Variants in SCN11A observed in about 807,000 individuals in gnomAD.
SCN11A encodes the protein sodium voltage-gated channel alpha subunit 11.
A neutral mutation model predicts 162.2 loss-of-function variants in SCN11A; 122 were observed. That is an observed-to-expected ratio of 0.75 (90% CI 0.65 to 0.87). The LOEUF is 0.87. SCN11A is among the 40% of genes least tolerant of loss of function. The probability of loss-of-function intolerance (pLI) is 0.00; values close to 1 mark genes in which losing one functional copy is unlikely to be tolerated. For synonymous variants in SCN11A, 758 were observed against 751.5 expected (o/e 1.01, Z -0.14); for missense variants, 2,015 against 2,181.6 (o/e 0.92, Z 1.52).
chr3:39,026,131 T>TA (rs149930221), intron 2 of SCN11A: 1 of 151,832 alleles, frequency 6.6e-6, no homozygotes, highest in Non-Finnish European at 1.5e-5. Flanking sequence ...AATAAAACTT[T>TA]AAAAAAACAT....
At chr3:38,968,897 A>G (rs1023242286) in intron 2 of SCN11A, among the ~76,000 whole-genome samples, 1 of 152,258 alleles carries the variant, frequency 6.6e-6, no homozygotes, top group Non-Finnish European at 1.5e-5. Flanking sequence ...GTACATGTGA[A>G]AATAAATGCA....
intron 11 of SCN11A, among the ~76,000 whole-genome samples, chr3:38,918,109 A>G (rs983983755): frequency 1.3e-5 from 2 of 152,076 alleles, no homozygotes; most frequent in African/African-American, 4.8e-5. Context: ...TTTGGAGGCA[A>G]AAGACTTGGG....
At chr3:39,036,545 T>G (rs1485269012) in intron 1 of SCN11A, among the ~76,000 whole-genome samples, 1 of 152,006 alleles carries the variant, frequency 6.6e-6, no homozygotes. Context: ...GCAAAGGAAA[T>G]AATCAACAAA....
intron 1 of SCN11A, among the ~76,000 whole-genome samples, chr3:39,042,318 C>T (rs1331412550): frequency 6.6e-6 from 1 of 152,134 alleles, no homozygotes; most frequent in Non-Finnish European, 1.5e-5. Flanking sequence ...AAGAAACTCA[C>T]TTCACTTGTA....
chr3:38,867,903 G>C (rs1213936501), intron 26 of SCN11A, among the ~76,000 whole-genome samples: 4 of 152,150 alleles, frequency 2.6e-5, no homozygotes, highest in Non-Finnish European at 4.4e-5. Flanking sequence ...CCCCCATATA[G>C]AGCCCACTGC....
At chr3:39,003,886 G>C (rs1451052167) in intron 2 of SCN11A, among the ~76,000 whole-genome samples, 3 of 151,208 alleles carry the variant, frequency 2.0e-5, no homozygotes, top group Non-Finnish European at 4.4e-5. Context: ...TTTTTTTCTT[G>C]TAAATTTGTT....
At chr3:38,929,485 T>C (rs543756392) in intron 7 of SCN11A, among the ~76,000 whole-genome samples, 27 of 152,340 alleles carry the variant, frequency 1.8e-4, no homozygotes, top group Non-Finnish European at 3.4e-4. Context: ...ATGATAATGT[T>C]GTGCAGCACT....
intron 7 of SCN11A, among the ~76,000 whole-genome samples, chr3:38,929,983 C>T (rs1366197979): frequency 6.6e-6 from 1 of 152,172 alleles, no homozygotes; most frequent in African/African-American, 2.4e-5. Context: ...TTTGTTATCA[C>T]AACATAAAAT....
At chr3:38,888,225 C>T (rs1222371492) in intron 19 of SCN11A, among the ~76,000 whole-genome samples, 1 of 152,204 alleles carries the variant, frequency 6.6e-6, no homozygotes, top group African/African-American at 2.4e-5. Flanking sequence ...AGTACAACCT[C>T]AGAAATGGGA....
intron 1 of SCN11A, among the ~76,000 whole-genome samples, chr3:39,046,702 T>G (rs6786264): frequency 0.029 from 4,403 of 152,122 alleles, 214 homozygotes; most frequent in African/African-American, 0.1. Flanking sequence ...AACCCAGAAA[T>G]AAATCCATGT....
chr3:38,931,741 G>A (rs892325366), intron 7 of SCN11A, among the ~76,000 whole-genome samples: 1 of 152,202 alleles, frequency 6.6e-6, no homozygotes, highest in Admixed American at 6.5e-5. Context: ...CCCCACCAGA[G>A]GTACAAACAG....
chr3:39,002,941 T>C (rs575819350), intron 2 of SCN11A, among the ~76,000 whole-genome samples: 1 of 122,414 alleles, frequency 8.2e-6, no homozygotes, highest in African/African-American at 4.2e-5. Flanking sequence ...GAACTTAATT[T>C]AGAAAATTAA....
At chr3:38,952,219 C>T (rs1250560663) in intron 4 of SCN11A, among the ~76,000 whole-genome samples, 1 of 152,128 alleles carries the variant, frequency 6.6e-6, no homozygotes, top group African/African-American at 2.4e-5. Flanking sequence ...CCACCAATTC[C>T]GGACACAAAA....
intron 2 of SCN11A, among the ~76,000 whole-genome samples, chr3:39,003,205 C>G (rs529507706): frequency 1.3e-5 from 2 of 152,064 alleles, no homozygotes; most frequent in African/African-American, 2.4e-5. Context: ...AGTAGACCCC[C>G]GTGTCTATTG....
intron 21 of SCN11A, among the ~76,000 whole-genome samples, chr3:38,883,965 T>C (rs749352729): frequency 1.3e-5 from 2 of 152,206 alleles, no homozygotes; most frequent in Non-Finnish European, 1.5e-5. Context: ...ACGAAAGAAT[T>C]TGATCAAATG....
intron 1 of SCN11A, among the ~76,000 whole-genome samples, chr3:39,050,627 G>C (rs1411391792): frequency 6.6e-6 from 1 of 151,970 alleles, no homozygotes; most frequent in Non-Finnish European, 1.5e-5. Context: ...ACTTTTCTAA[G>C]CATTACTTAT....
chr3:38,852,796 C>T (rs1400342156), intron 28 of SCN11A, among the ~76,000 whole-genome samples: 1 of 152,210 alleles, frequency 6.6e-6, no homozygotes, highest in Non-Finnish European at 1.5e-5. Context: ...CAATGGCTAA[C>T]TGTTGATTTA....
chr3:38,974,709 A>AAAAAAAG (rs1553647127), intron 2 of SCN11A, among the ~76,000 whole-genome samples: 55 of 130,434 alleles, frequency 4.2e-4, no homozygotes, highest in East Asian at 1.7e-3. Flanking sequence ...AAAAAAAAAA[A>AAAAAAAG]AAAAGAAAAG....
chr3:38,954,997 A>G (rs1189967054), intron 3 of SCN11A, among the ~76,000 whole-genome samples: 2 of 152,110 alleles, frequency 1.3e-5, no homozygotes, highest in Admixed American at 6.5e-5. Context: ...CAAAAAAAGA[A>G]AAGAAAAGAA....
Sources: allele counts gnomAD v4.1 joint callset (sites outside exome capture counted in the v4.1 genomes callset), GRCh38; gene constraint gnomAD v4.1.1; transcripts MANE v1.5; gene names NCBI Gene and HGNC (gene_info 2026-07-23, HGNC 2026-07-21).